CLPTM1L: variants seen among roughly 807,000 people sequenced by gnomAD.
The protein encoded by CLPTM1L is lipid scramblase CLPTM1L.
A neutral mutation model predicts 70.9 loss-of-function variants in CLPTM1L; 38 were observed. That is an observed-to-expected ratio of 0.54 (90% CI 0.41 to 0.70). The LOEUF (loss-of-function observed/expected upper bound fraction) is 0.70, where lower values mean the gene tolerates loss of function less well. Ranked by LOEUF, CLPTM1L falls within the 30% of genes least tolerant of loss-of-function variation. CLPTM1L has a pLI of 0.00. For synonymous variants in CLPTM1L, 339 were observed against 299.9 expected, an observed-to-expected ratio of 1.13 and a Z score of -1.35; for missense variants, 652 against 705.9, an observed-to-expected ratio of 0.92 and a Z score of 0.87.
chr5:1,319,837 C>T (rs1334622169), intron 16 of CLPTM1L, among the ~76,000 whole-genome samples: 1 of 152,218 alleles, frequency 6.6e-6, no homozygotes, highest in Non-Finnish European at 1.5e-5. Context: ...GGCCCTGGGG[C>T]CGGCACTGGA....
intron 2 of CLPTM1L, 91 bp downstream of exon 2, chr5:1,344,260 T>G (rs545502135): frequency 1.1e-6 from 1 of 880,018 alleles, no homozygotes; most frequent in African/African-American, 1.7e-5. Flanking sequence ...TTCTCTAAAA[T>G]AAACATGTTA....
intron 9 of CLPTM1L, chr5:1,326,214 G>T (rs1390164804): frequency 3.9e-6 from 1 of 258,310 alleles, no homozygotes; most frequent in Non-Finnish European, 7.4e-6. Flanking sequence ...ATCACCCACG[G>T]AGCTCAGGAC....
At chr5:1,339,172 G>T (rs541651761) in intron 3 of CLPTM1L, among the ~76,000 whole-genome samples, 167 bp from the exon 4 acceptor site, 6 of 149,068 alleles carry the variant, frequency 4.0e-5, no homozygotes, top group Admixed American at 3.3e-4. Flanking sequence ...ACACAGACGG[G>T]CAAACTGTGC....
intron 9 of CLPTM1L, chr5:1,326,237 C>T (rs557678522): frequency 4.1e-5 from 10 of 245,740 alleles, no homozygotes; most frequent in South Asian, 2.9e-4. Flanking sequence ...GTGCCAGAGC[C>T]GGGCACGGCA....
At chr5:1,330,163 T>C in intron 9 of CLPTM1L, 117 bp downstream of exon 9, 2 of 820,760 alleles carry the variant, frequency 2.4e-6, no homozygotes, top group Non-Finnish European at 4.1e-6. Context: ...ACTGAGGCCA[T>C]CGGGAACAAG....
rs1316833758 is a variant in CLPTM1L, at chr5:1,323,866, T to G, written c.1201A>C (p.Met401Leu). ...TACAGCAGGTATGACAAGTACTTCA[T>G]GGCCTGCAGGGAACAAAGATGGCTT... ...RKTEEYDTQA[M>L]KYLSYLLYPL... Residue 401 changes from methionine (M) to leucine (L), a missense_variant, in exon 12 of 17, where the codon ATG (methionine) becomes CTG (leucine). By Grantham distance (15) the Met-to-Leu change is conservative (BLOSUM62 2). Around this residue, in one of 3 missense-constraint regions of CLPTM1L, gnomAD observed 240 missense variants for 295.0 expected, o/e 0.81. Transcript: ENST00000320895. The G allele has an allele frequency of 1.9e-6, 3 of 1,612,900 alleles. No homozygotes were observed. The highest frequency in any genetic ancestry group is 2.5e-6 in the Non-Finnish European group (3 of 1,179,372).
chr5:1,334,252 C>CA (rs759265515), intron 7 of CLPTM1L, 37 bp downstream of exon 7: 1 of 1,543,578 alleles, frequency 6.5e-7, no homozygotes, highest in South Asian at 1.1e-5. Flanking sequence ...GGGAGCCCCC[C>CA]AAGTGCCTGC....
rs569669076 is a variant in CLPTM1L at position 1,323,501 on chromosome 5, C to G, written c.1280+286G>C. Among the ~76,000 whole-genome samples the G allele has an allele frequency of 1.4e-4, 21 of 152,072 alleles. No individual in the cohort carries two copies. The East Asian group carries it at 4.1e-3, about 30-fold the overall frequency. On this transcript the variant is annotated intron_variant, in intron 12 of 16. Transcript: ENST00000320895. ...CCCTCTCAGCTCAGGGCCAGCACCC[C>G]ACACGGGCAGCAGAGGCCAGGGGCT...
chr5:1,324,041 C>A, intron 11 of CLPTM1L, 172 bp from the exon 12 acceptor site: 1 of 612,380 alleles, frequency 1.6e-6, no homozygotes, highest in Admixed American at 2.6e-5. Flanking sequence ...ATCGCACACT[C>A]GCCACAGCCC....
chr5:1,331,759 G>T, intron 8 of CLPTM1L, 40 bp downstream of exon 8: 1 of 1,574,638 alleles, frequency 6.4e-7, no homozygotes. Flanking sequence ...GAGCTCCCTG[G>T]GGCAGAGTAT....
intron 6 of CLPTM1L, among the ~76,000 whole-genome samples, chr5:1,334,843 T>A (rs1283211467): frequency 2.6e-5 from 4 of 152,246 alleles, no homozygotes; most frequent in Non-Finnish European, 5.9e-5. Flanking sequence ...GCATTTCACA[T>A]ATTATGTTCT....
rs138994700 is a variant in CLPTM1L, at chr5:1,321,895, G to A, written c.1316-76C>T. The A allele has an allele frequency of 8.8e-4, 1,233 of 1,398,138 alleles. 15 individuals are homozygous for A. In the East Asian group the frequency reaches 0.025, roughly 29 times the overall value. The allele number at this position is 1,398,138 out of a possible 1,614,324, so 86.6% of individuals were successfully genotyped here. Reference sequence around the variant, plus strand: ...ATCTACGCACAGACGGCACTCACGAGGTGTGGAGGGCCGAGCTGCCACGTC... The same window carrying A: ...ATCTACGCACAGACGGCACTCACGAAGTGTGGAGGGCCGAGCTGCCACGTC... On this transcript the variant is annotated intron_variant, in intron 13 of 16. Transcript: ENST00000320895.
At position 1,318,491 on chromosome 5, in the gene CLPTM1L, T is replaced by C. The variant is rs1751964382; in HGVS notation, c.1533-38A>G. 1 of 1,529,712 alleles carries C rather than the reference T, an allele frequency of 6.5e-7. No individual in the cohort carries two copies. The highest frequency in any genetic ancestry group is 9.0e-7 in the Non-Finnish European group (1 of 1,106,722). 94.8% of individuals were successfully genotyped at this position (1,529,712 alleles called of 1,614,324 possible). On this transcript the variant is annotated intron_variant, in intron 16 of 16. Coordinates refer to ENST00000320895, the MANE Select transcript of CLPTM1L (RefSeq NM_030782.5). The surrounding 1 kb of genome is among the most constrained non-coding windows in gnomAD (Gnocchi z 8.9). ...AAATGAGCACATCAGCAAACCCCAC[T>C]GCAGGGGCTATTTTTCTAAGAGGAG...
At chr5:1,340,550 G>A (rs1753874700) in intron 3 of CLPTM1L, among the ~76,000 whole-genome samples, 1 of 152,078 alleles carries the variant, frequency 6.6e-6, no homozygotes, top group Admixed American at 6.6e-5. Flanking sequence ...CATGCTACAT[G>A]CCCATCACCC....
intron 7 of CLPTM1L, 58 bp downstream of exon 7, chr5:1,334,231 C>T (rs1438787287): frequency 4.6e-6 from 6 of 1,300,510 alleles, no homozygotes; most frequent in South Asian, 3.6e-5. Flanking sequence ...CTGCAGGAGG[C>T]CCGGGGCCCA....
At chr5:1,324,202 G>A (rs993889738) in intron 11 of CLPTM1L, among the ~76,000 whole-genome samples, 2 of 152,272 alleles carry the variant, frequency 1.3e-5, no homozygotes, top group Non-Finnish European at 2.9e-5. Flanking sequence ...ACTAAGTAAT[G>A]TAGTTACATC....
chr5:1,342,610 G>A lies in CLPTM1L; in HGVS notation c.264-750C>T, dbSNP rs1346389477. ...TCCTCTTTAAAAGTCTCTTTTTTGA[G>A]ACAAGGTCTCGCTGTCACCAGGCTG... On this transcript the variant is annotated intron_variant, in intron 2 of 16. Transcript: ENST00000320895. The surrounding 1 kb of genome is among the most constrained non-coding windows in gnomAD (Gnocchi z 4.3). Among the ~76,000 whole-genome samples the A allele has an allele frequency of 2.6e-5, 4 of 152,260 alleles. No individual in the cohort carries two copies. The highest frequency in any genetic ancestry group is 6.5e-5 in the Admixed American group (1 of 15,304).
In CLPTM1L at chr5:1,332,116, T is replaced by C. The variant is rs970630303; in HGVS notation, c.892-233A>G. On this transcript the variant is annotated intron_variant, in intron 7 of 16. Transcript: ENST00000320895. Reference sequence around the variant, plus strand: ...GGGCACTTCTGAAATAATACGTACCTTTGACTTGAACTGCTGGAAAGGCCC... The same window carrying C: ...GGGCACTTCTGAAATAATACGTACCCTTGACTTGAACTGCTGGAAAGGCCC... 5 of 543,484 alleles carry C rather than the reference T, an allele frequency of 9.2e-6. No individual in the cohort carries two copies. In the African/African-American group the frequency reaches 9.5e-5, roughly 10 times the overall value. 33.7% of individuals were successfully genotyped at this position (543,484 alleles called of 1,614,324 possible).
At chr5:1,334,441 T>C (rs1432660445) in intron 6 of CLPTM1L, 58 bp from the exon 7 acceptor site, 2 of 1,214,452 alleles carry the variant, frequency 1.6e-6, no homozygotes, top group African/African-American at 1.5e-5. Flanking sequence ...TTACCTAACA[T>C]TACAAATACA....
Sources: gnomAD v4.1 joint callset for allele counts (sites outside exome capture counted in the v4.1 genomes callset) on GRCh38, gnomAD v4.1.1 for gene constraint, gnomAD v4.1.1 regional missense constraint, Gnocchi (gnomAD v3.1) non-coding constraint, MANE v1.5 for transcripts, NCBI Gene and HGNC (gene_info 2026-07-23, HGNC 2026-07-21) for gene names.